The following CARD14 variants were observed in gnomAD, a reference collection of about 807,000 sequenced individuals.
CARD14 encodes caspase recruitment domain-containing protein 14.
CARD14 carries 107 observed loss-of-function variants against 111.5 expected under a neutral mutation model. The observed-to-expected ratio is 0.96, with a 90% CI of 0.82 to 1.13. The LOEUF (loss-of-function observed/expected upper bound fraction) is 1.13. Among genes scored for constraint, CARD14 ranks in the 50% most tolerant of loss-of-function variants. The pLI, the probability that CARD14 is intolerant of heterozygous loss-of-function variation, is 0.00. For missense variants in CARD14, 1,322 were observed against 1,362.3 expected (o/e 0.97, Z 0.47); for synonymous variants, 617 against 579.6 (o/e 1.06, Z -0.93).
Position 80,188,283 on chromosome 17 carries a change from G to A in CARD14, c.676-94G>A, listed in dbSNP as rs1005579004. On this transcript the variant is annotated intron_variant, in intron 7 of 23. Coordinates refer to ENST00000648509, the MANE Select transcript of CARD14 (RefSeq NM_001366385.1). The surrounding 1 kb of genome is among the most constrained non-coding windows in gnomAD (Gnocchi z 4.5). The stretch of plus-strand genomic sequence containing the variant: ...GCAGGAAGCCCCCTGAGTGCTAAAA[G>A]CATCATTAGGAGGAAGGGTGAGAAA... 2.3e-6 allele frequency: 3 copies of A among 1,323,090 alleles called. No homozygotes were observed. The African/African-American group carries it at 4.5e-5, about 20-fold the overall frequency. The allele number at this position is 1,323,090 out of a possible 1,614,324, so 82.0% of individuals were successfully genotyped here.
rs1302331249 is a variant in CARD14 at position 80,190,683 on chromosome 17, C to T, written c.964-91C>T. 3.5e-5 allele frequency: 52 copies of T among 1,476,976 alleles called. No individual in the cohort carries two copies. In the East Asian group the frequency reaches 1.2e-3, roughly 34 times the overall value. 91.5% of individuals were successfully genotyped at this position (1,476,976 alleles called of 1,614,324 possible). On this transcript the variant is annotated intron_variant, in intron 9 of 23. Coordinates refer to ENST00000648509, the MANE Select transcript of CARD14 (RefSeq NM_001366385.1). Reference sequence around the variant, plus strand: ...TTATTTCATCCCTAGAACTGTCTCCCTCCCTCCACCCCTGGGTTCCCCGAC... The same window carrying T: ...TTATTTCATCCCTAGAACTGTCTCCTTCCCTCCACCCCTGGGTTCCCCGAC...
chr17:80,175,816 C>T (rs374050239), intron 2 of CARD14, among the ~76,000 whole-genome samples: 8 of 151,842 alleles, frequency 5.3e-5, no homozygotes, highest in Non-Finnish European at 7.4e-5. Flanking sequence ...CTGTGGACCC[C>T]CAGCCCTGGC....
At position 80,188,252 on chromosome 17, in the gene CARD14, C is replaced by A; in HGVS notation, c.676-125C>A. The stretch of plus-strand genomic sequence containing the variant: ...TGAACCCTTTCGTGGGTTTTTCAGT[C>A]TCGAGGCAGGAAGCCCCCTGAGTGC... On this transcript the variant is annotated intron_variant, in intron 7 of 23. Transcript: ENST00000648509. The surrounding 1 kb of genome is among the most constrained non-coding windows in gnomAD (Gnocchi z 4.5). 9.8e-7 allele frequency: 1 copy of A among 1,021,736 alleles called. No homozygotes were observed. The highest frequency in any genetic ancestry group is 1.3e-6 in the Non-Finnish European group (1 of 741,774). The allele number at this position is 1,021,736 out of a possible 1,614,324, so 63.3% of individuals were successfully genotyped here. A position where few individuals can be genotyped will look rare whatever the true frequency, so the allele number is the denominator to read the frequency against.
At chr17:80,177,145 C>CGT (rs2040044521) in intron 2 of CARD14, among the ~76,000 whole-genome samples, 1 of 152,176 alleles carries the variant, frequency 6.6e-6, no homozygotes, top group African/African-American at 2.4e-5. Flanking sequence ...CGACCCTTGG[C>CGT]GTGTCACTCC....
At chr17:80,180,531 G>A (rs1165529124) in intron 4 of CARD14, among the ~76,000 whole-genome samples, 19 of 152,288 alleles carry the variant, frequency 1.2e-4, no homozygotes, top group Admixed American at 3.3e-4. Context: ...GTCCTGGGCC[G>A]CTGCAAACAA....
intron 10 of CARD14, 93 bp from the exon 11 acceptor site, chr17:80,191,230 G>A: frequency 6.8e-7 from 1 of 1,475,608 alleles, no homozygotes; most frequent in Non-Finnish European, 9.3e-7. Flanking sequence ...GTGGATGTCA[G>A]ATGAGCGCAG....
intron 7 of CARD14, 101 bp downstream of exon 7, chr17:80,184,339 T>C (rs2040274232): frequency 9.6e-7 from 1 of 1,037,510 alleles, no homozygotes; most frequent in Non-Finnish European, 1.3e-6. Flanking sequence ...CCCCTCTTCC[T>C]TGTCTAACAC....
Position 80,195,952 on chromosome 17 carries a change from G to T in CARD14, c.1594+300G>T. On this transcript the variant is annotated intron_variant, in intron 14 of 23. Coordinates refer to ENST00000648509, the MANE Select transcript of CARD14 (RefSeq NM_001366385.1). The surrounding 1 kb of genome is among the most constrained non-coding windows in gnomAD (Gnocchi z 4.7). ...AGCACCCAGCCCCCTGCTCTGATCT[G>T]TAACGCTTGGGCTTCCCAGTGGTTT... 3.1e-6 allele frequency: 1 copy of T among 322,054 alleles called. No individual in the cohort carries two copies. The highest frequency in any genetic ancestry group is 5.7e-6 in the Non-Finnish European group (1 of 174,026). 19.9% of individuals were successfully genotyped at this position (322,054 alleles called of 1,614,324 possible). A position where few individuals can be genotyped will look rare whatever the true frequency, so the allele number is the denominator to read the frequency against.
intron 4 of CARD14, among the ~76,000 whole-genome samples, chr17:80,180,845 C>A (rs572406693): frequency 1.3e-5 from 2 of 152,328 alleles, no homozygotes; most frequent in Admixed American, 6.5e-5. Context: ...TCACCACAAC[C>A]TCTGTATCCC....
chr17:80,171,777 C>T (rs1424150821), intron 1 of CARD14, among the ~76,000 whole-genome samples: 1 of 152,192 alleles, frequency 6.6e-6, no homozygotes, highest in African/African-American at 2.4e-5. Context: ...GGTGAGGCAG[C>T]TTTGGCTTGA....
In CARD14 at chr17:80,184,230, C is replaced by T; in HGVS notation, c.667C>T (p.Gln223Ter). The T allele has an allele frequency of 6.5e-7, 1 of 1,528,304 alleles. No individual in the cohort carries two copies. The highest frequency in any genetic ancestry group is 8.8e-7 in the Non-Finnish European group (1 of 1,133,532). The allele number at this position is 1,528,304 out of a possible 1,614,324, so 94.7% of individuals were successfully genotyped here. ...GGCCGCCTCACGCTGCCGCAGCCTG[C>T]AGGAGGAGGTAGGGGGACACCCTGC... ...ELAASRCRSL[Q>*]EELYLLKQEL... The change falls in exon 7 of 24, where the codon CAG becomes TAG. Residue 223 changes from glutamine to a stop codon, truncating the protein, a stop_gained. Transcript: ENST00000648509. LOFTEE classifies it high-confidence loss of function.
In CARD14 at chr17:80,205,119, G is replaced by T; in HGVS notation, c.2483G>T (p.Arg828Leu). 6.2e-7 allele frequency: 1 copy of T among 1,613,704 alleles called. No homozygotes were observed. The change falls in exon 21 of 24, where the codon CGG becomes CTG. Residue 828 changes from arginine to leucine, a missense_variant. Physicochemically the swap from Arg to Leu is moderately radical, Grantham distance 102 (BLOSUM62 -2). Transcript: ENST00000648509. ...LVRPHRPARP[R>L]PVLLVPRAVG... ...CGGCCCCATCGACCCGCCCGGCCCC[G>T]GCCTGTGCTCCTCGTGCCCAGGGCG... is the stretch of plus-strand genomic sequence containing the variant.
In CARD14 at chr17:80,188,599, T is replaced by C. The variant is rs2144236336; in HGVS notation, c.843+55T>C. On this transcript the variant is annotated intron_variant, in intron 8 of 23. Transcript: ENST00000648509. The surrounding 1 kb of genome is among the most constrained non-coding windows in gnomAD (Gnocchi z 4.5). Reference sequence around the variant, plus strand: ...GCCTCCTGCCTTGGGGGCTTGGCCCTCAGGCTGTGGGGTTTCTGACAGGTG... The same window carrying C: ...GCCTCCTGCCTTGGGGGCTTGGCCCCCAGGCTGTGGGGTTTCTGACAGGTG... 1 of 1,397,690 alleles carries C rather than the reference T, an allele frequency of 7.2e-7. No homozygotes were observed. The highest frequency in any genetic ancestry group is 1.5e-5 in the African/African-American group (1 of 67,566). The allele number at this position is 1,397,690 out of a possible 1,614,324, so 86.6% of individuals were successfully genotyped here.
At chr17:80,186,802 G>C (rs775859174) in intron 7 of CARD14, among the ~76,000 whole-genome samples, 1 of 152,080 alleles carries the variant, frequency 6.6e-6, no homozygotes, top group South Asian at 2.1e-4. Flanking sequence ...CGCCCACCTC[G>C]GTCTCCCAAA....
chr17:80,195,931 C>T lies in CARD14; in HGVS notation c.1594+279C>T. The T allele has an allele frequency of 2.3e-6, 1 of 435,044 alleles. No homozygotes were observed. Among genetic ancestry groups the T allele is most frequent in the Non-Finnish European group, 4.2e-6 (1 of 239,572 alleles). The allele number at this position is 435,044 out of a possible 1,614,324, so 26.9% of individuals were successfully genotyped here. A position where few individuals can be genotyped will look rare whatever the true frequency, so the allele number is the denominator to read the frequency against. On this transcript the variant is annotated intron_variant, in intron 14 of 23. Transcript: ENST00000648509. The surrounding 1 kb of genome is among the most constrained non-coding windows in gnomAD (Gnocchi z 4.7). ...TGTCTGATCCACGCCCTGCTCAGCA[C>T]CCAGCCCCCTGCTCTGATCTGTAAC...
Position 80,195,470 on chromosome 17 carries a change from G to A in CARD14, c.1500-88G>A, listed in dbSNP as rs1470350878. 7.3e-6 allele frequency: 11 copies of A among 1,509,268 alleles called. No homozygotes were observed. In the East Asian group the frequency reaches 2.6e-4, roughly 36 times the overall value. The allele number at this position is 1,509,268 out of a possible 1,614,324, so 93.5% of individuals were successfully genotyped here. ...TCCTGCCCTCGAAGCCCCAGAGCTGGCAGGTGCTGGGGGCCAGTGCTTGGG... is the reference window on the plus strand; with the variant it reads ...TCCTGCCCTCGAAGCCCCAGAGCTGACAGGTGCTGGGGGCCAGTGCTTGGG... On this transcript the variant is annotated intron_variant, in intron 13 of 23. Coordinates refer to ENST00000648509, the MANE Select transcript of CARD14 (RefSeq NM_001366385.1). This position sits in a 1 kb window ranked among gnomAD's most constrained non-coding sequence, Gnocchi z 4.7.
At chr17:80,200,537 C>G (rs1347682741) in intron 16 of CARD14, 2 of 152,084 alleles carry the variant, frequency 1.3e-5, no homozygotes, top group East Asian at 3.9e-4. Flanking sequence ...ATGCCCAGCC[C>G]TTCTTTACAT....
In CARD14 at chr17:80,192,585, A is replaced by T; in HGVS notation, c.1322A>T (p.Asp441Val). Residue 441 changes from aspartate to valine, a missense_variant, in exon 12 of 24, where the codon GAC becomes GTC. Asp to Val is a radical substitution (Grantham distance 152). Coordinates refer to ENST00000648509, the MANE Select transcript of CARD14 (RefSeq NM_001366385.1). ...CGGATGCATGCCATCTGCCCCAGAGACGACAGCGACTGCAGCCTCGTCAGC... is the reference window on the plus strand; with the variant it reads ...CGGATGCATGCCATCTGCCCCAGAGTCGACAGCGACTGCAGCCTCGTCAGC... ...LVRMHAICPRDDSDCSLVSST... is the reference protein window; with the variant it reads ...LVRMHAICPRVDSDCSLVSST... The T allele has an allele frequency of 6.2e-7, 1 of 1,613,338 alleles. No homozygotes were observed. Among genetic ancestry groups the T allele is most frequent in the South Asian group, 1.1e-5 (1 of 91,056 alleles).
In CARD14 at chr17:80,198,490, A is replaced by G; in HGVS notation, c.1750A>G (p.Ser584Gly). The change falls in exon 16 of 24, where the codon AGC becomes GGC. Residue 584 changes from serine to glycine, a missense_variant. Transcript: ENST00000648509. The surrounding 1 kb of genome is among the most constrained non-coding windows in gnomAD (Gnocchi z 7.5). ...GGGGGATGCATTGCTGGAGCAGATC[A>G]GCGTCATCGGCGGGAACCTCACGGG... Reference protein sequence around the residue: ...FQGDALLEQISVIGGNLTGIF... With the variant: ...FQGDALLEQIGVIGGNLTGIF... 1 of 1,613,632 alleles carries G rather than the reference A, an allele frequency of 6.2e-7. No individual in the cohort carries two copies. The highest frequency in any genetic ancestry group is 8.5e-7 in the Non-Finnish European group (1 of 1,179,924).
Sources: gnomAD v4.1 joint callset for allele counts (sites outside exome capture counted in the v4.1 genomes callset) on GRCh38, gnomAD v4.1.1 for gene constraint, Gnocchi (gnomAD v3.1) non-coding constraint, MANE v1.5 for transcripts, NCBI Gene and HGNC (gene_info 2026-07-23, HGNC 2026-07-21) for gene names.